The following SRRM4 variants were observed in gnomAD, a reference collection of about 807,000 sequenced individuals.
SRRM4 encodes serine/arginine repetitive matrix 4, also known as serine/arginine repetitive matrix protein 4.
SRRM4 carries 33 observed loss-of-function variants against 68.9 expected under a neutral mutation model. That is an observed-to-expected ratio of 0.48 (90% CI 0.36 to 0.64). The LOEUF (loss-of-function observed/expected upper bound fraction) is 0.64. Among genes scored for constraint, SRRM4 ranks in the 30% least tolerant of loss-of-function variants. The pLI is 0.00. For missense variants in SRRM4, 817 were observed against 827.1 expected, an observed-to-expected ratio of 0.99 and a Z score of 0.15; for synonymous variants, 318 against 318.8, an observed-to-expected ratio of 1.00 and a Z score of 0.03.
chr12:119,040,910 C>G (rs1242527180), intron 1 of SRRM4, among the ~76,000 whole-genome samples: 2 of 150,206 alleles, frequency 1.3e-5, no homozygotes, highest in South Asian at 4.2e-4. Context: ...CCACAATGCT[C>G]GGCTAATTTT....
chr12:119,155,744 G>C (rs1954467599), intron 12 of SRRM4, among the ~76,000 whole-genome samples: 1 of 152,080 alleles, frequency 6.6e-6, no homozygotes, highest in Admixed American at 6.5e-5. Flanking sequence ...CTGAAAAAAT[G>C]TAATTAATAT....
rs1045638766 is a variant in SRRM4 at position 119,009,474 on chromosome 12, A to G, written c.131+27461A>G. Among the ~76,000 whole-genome samples the G allele has an allele frequency of 3.0e-4, 46 of 152,224 alleles. 1 individual carries two copies. The highest frequency in any genetic ancestry group is 6.5e-4 in the Non-Finnish European group (44 of 68,048). ...TCTCCTTTTCTGACTGGGGTTACCC[A>G]CATGACTTTCTCTGCCTCAGCCATC... On this transcript the variant is annotated intron_variant, in intron 1 of 12. Coordinates refer to ENST00000267260, the MANE Select transcript of SRRM4 (RefSeq NM_194286.4).
rs1207655109 is a variant in SRRM4, at chr12:119,053,651, T to C, written c.132-48585T>C. On this transcript the variant is annotated intron_variant, in intron 1 of 12. Coordinates refer to ENST00000267260, the MANE Select transcript of SRRM4 (RefSeq NM_194286.4). ...CAAGTGGAAACACCTGCTGTGCGTA[T>C]TTTGTGACTAACATACCAATTTGCA... is the stretch of plus-strand genomic sequence containing the variant. Among the ~76,000 whole-genome samples the C allele has an allele frequency of 2.0e-5, 3 of 152,204 alleles. No homozygotes were observed. In the East Asian group the frequency reaches 5.8e-4, roughly 29 times the overall value.
chr12:119,099,667 ATGTCAACCAGG>A (rs767627971), intron 1 of SRRM4, among the ~76,000 whole-genome samples: 144 of 152,350 alleles, frequency 9.5e-4, no homozygotes, highest in Non-Finnish European at 1.7e-3. Flanking sequence ...CTGTGGTCAG[ATGTCAACCAGG>A]TTTGCAGTCT....
intron 1 of SRRM4, among the ~76,000 whole-genome samples, chr12:119,041,997 C>T (rs1236358655): frequency 6.6e-6 from 1 of 152,164 alleles, no homozygotes; most frequent in Non-Finnish European, 1.5e-5. Context: ...ACTTTAATGT[C>T]ATTTGCGGTC....
intron 1 of SRRM4, among the ~76,000 whole-genome samples, chr12:118,999,460 G>T (rs1953369911): frequency 1.3e-5 from 2 of 152,174 alleles, no homozygotes. Context: ...TCCCACCTGT[G>T]TTAAGTTTGA....
At chr12:119,014,199 T>C (rs1953467478) in intron 1 of SRRM4, among the ~76,000 whole-genome samples, 1 of 152,210 alleles carries the variant, frequency 6.6e-6, no homozygotes, top group African/African-American at 2.4e-5. Flanking sequence ...TAGAATTTGA[T>C]TATTCTTTTT....
intron 1 of SRRM4, among the ~76,000 whole-genome samples, chr12:119,004,818 T>C (rs1261165244): frequency 1.3e-5 from 2 of 151,942 alleles, no homozygotes; most frequent in African/African-American, 2.4e-5. Flanking sequence ...GTGAAGACGA[T>C]GTCCAGTGTC....
At chr12:119,147,496 G>A (rs1371540328) in intron 9 of SRRM4, among the ~76,000 whole-genome samples, 4 of 152,218 alleles carry the variant, frequency 2.6e-5, no homozygotes, top group Admixed American at 6.5e-5. Flanking sequence ...GAGGTTCATC[G>A]ATTGTAGCAA....
chr12:119,115,189 C>T (rs1004944485), intron 3 of SRRM4, among the ~76,000 whole-genome samples: 2 of 152,016 alleles, frequency 1.3e-5, no homozygotes, highest in Non-Finnish European at 2.9e-5. Context: ...TTCTACGACG[C>T]CCACCTAACT....
At chr12:119,074,574 G>A (rs939581075) in intron 1 of SRRM4, among the ~76,000 whole-genome samples, 80 of 152,166 alleles carry the variant, frequency 5.3e-4, no homozygotes, top group African/African-American at 1.8e-3. Flanking sequence ...AAAAGAGTAG[G>A]TATCACCTCT....
At chr12:119,058,620 T>G (rs1440017239) in intron 1 of SRRM4, among the ~76,000 whole-genome samples, 2 of 152,174 alleles carry the variant, frequency 1.3e-5, no homozygotes, top group Non-Finnish European at 2.9e-5. Context: ...ATAAAATATT[T>G]CTAATGAAAA....
Position 119,122,081 on chromosome 12 carries a change from C to CA in SRRM4, c.481dup (p.Ser161LysfsTer6). 1 of 1,609,974 alleles carries CA rather than the reference C, an allele frequency of 6.2e-7. No individual in the cohort carries two copies. Among genetic ancestry groups the CA allele is most frequent in the Non-Finnish European group, 8.5e-7 (1 of 1,176,528 alleles). ...CATTTCTTGTTTAGCTCCTCTAGCC[C>CA]AAAAAGCAAAAGAAGAGATGAGAAG... On this transcript the variant is annotated frameshift_variant, in exon 6 of 13. Transcript: ENST00000267260. LOFTEE classifies it high-confidence loss of function.
intron 2 of SRRM4, among the ~76,000 whole-genome samples, chr12:119,108,594 T>C (rs2136045077): frequency 6.6e-6 from 1 of 152,314 alleles, no homozygotes; most frequent in Admixed American, 6.5e-5. Context: ...TCTTTTGATC[T>C]TTGTTGGTTT....
chr12:119,120,724 C>A (rs926961692), intron 5 of SRRM4, among the ~76,000 whole-genome samples: 2 of 152,210 alleles, frequency 1.3e-5, no homozygotes, highest in Non-Finnish European at 2.9e-5. Context: ...TAAGTCCCTT[C>A]CATGTGTAGA....
At chr12:119,103,152 G>A (rs1458617339) in intron 2 of SRRM4, among the ~76,000 whole-genome samples, 3 of 151,988 alleles carry the variant, frequency 2.0e-5, no homozygotes, top group Non-Finnish European at 4.4e-5. Context: ...GCCCATCTTT[G>A]GCCTCTGGGA....
intron 1 of SRRM4, among the ~76,000 whole-genome samples, chr12:119,017,231 T>G (rs1953487313): frequency 6.6e-6 from 1 of 152,224 alleles, no homozygotes; most frequent in Non-Finnish European, 1.5e-5. Flanking sequence ...ATGAAACCCA[T>G]CAAGTGCATC....
chr12:119,142,603 C>T (rs954969807), intron 8 of SRRM4, among the ~76,000 whole-genome samples: 3 of 152,158 alleles, frequency 2.0e-5, no homozygotes, highest in Admixed American at 2.0e-4. Flanking sequence ...CTGGCAGCCT[C>T]CAGGTAGCAA....
At chr12:119,081,034 T>G (rs996114656) in intron 1 of SRRM4, among the ~76,000 whole-genome samples, 2 of 152,222 alleles carry the variant, frequency 1.3e-5, no homozygotes, top group Non-Finnish European at 1.5e-5. Context: ...ATCCATTTGC[T>G]TGTTCATTTA....
Sources: gnomAD v4.1 joint callset for allele counts (sites outside exome capture counted in the v4.1 genomes callset) on GRCh38, gnomAD v4.1.1 for gene constraint, MANE v1.5 for transcripts, NCBI Gene and HGNC (gene_info 2026-07-23, HGNC 2026-07-21) for gene names.